Variants in GRK6 observed in about 807,000 individuals in gnomAD.
The protein encoded by GRK6 is G protein-coupled receptor kinase 6.
In GRK6, 37 loss-of-function variants were observed where a neutral mutation model predicts 80.8. The observed-to-expected ratio is 0.46, with a 90% CI of 0.35 to 0.60. The LOEUF is 0.60. GRK6 is among the 20% of genes least tolerant of loss of function. The pLI, the probability that GRK6 is intolerant of heterozygous loss-of-function variation, is 0.00. For missense variants in GRK6, 560 were observed against 784.6 expected (o/e 0.71, Z 3.42); for synonymous variants, 295 against 320.9 (o/e 0.92, Z 0.86).
rs750712271 is a variant in GRK6 at position 177,441,932 on chromosome 5, G to T, written c.*142G>T. 1.0e-5 allele frequency: 8 copies of T among 762,816 alleles called. No homozygotes were observed. In the African/African-American group the frequency reaches 1.4e-4, roughly 13 times the overall value. 47.3% of individuals were successfully genotyped at this position (762,816 alleles called of 1,614,324 possible). A position where few individuals can be genotyped will look rare whatever the true frequency, so the allele number is the denominator to read the frequency against. On this transcript the variant is annotated 3_prime_UTR_variant, in exon 16 of 16. Coordinates refer to ENST00000355472, the MANE Select transcript of GRK6 (RefSeq NM_001004106.3). ...GACGGAGCTGTCCCCAGTGTCCTCC[G>T]TCCCTCAGCCCCTGGCCTGGCTGAG...
At chr5:177,433,785 G>A in intron 8 of GRK6, 109 bp downstream of exon 8, 8 of 1,534,972 alleles carry the variant, frequency 5.2e-6, no homozygotes, top group Non-Finnish European at 7.1e-6. Flanking sequence ...GGGCGGGTTT[G>A]GGGTGTTGAC....
rs761093075 is a variant in GRK6 at position 177,433,935 on chromosome 5, G to C, written c.760G>C (p.Glu254Gln). 5.0e-6 allele frequency: 8 copies of C among 1,593,398 alleles called. No individual in the cohort carries two copies. In the East Asian group the frequency reaches 1.8e-4, roughly 36 times the overall value. Residue 254 changes from glutamate to glutamine, a missense_variant, in exon 9 of 16, where the codon GAG (glutamate) becomes CAG (glutamine). Glu to Gln is a conservative substitution (Grantham distance 29). Transcript: ENST00000355472. The part of the protein sequence containing the change: ...RFVVSLAYAY[E>Q]TKDALCLVLT... The stretch of plus-strand genomic sequence containing the variant: ...ACAGGTGAGCTTGGCCTACGCCTAT[G>C]AGACCAAGGACGCGCTGTGCCTGGT...
Position 177,440,792 on chromosome 5 carries a change from C to A in GRK6, c.1497C>A (p.Tyr499Ter). The change falls in exon 14 of 16, where the codon TAC becomes TAA. Residue 499 changes from tyrosine (Y) to a stop codon, truncating the protein, a stop_gained. Coordinates refer to ENST00000355472, the MANE Select transcript of GRK6 (RefSeq NM_001004106.3). LOFTEE classifies it high-confidence loss of function. ...VELEPTDQDF[Y>*]QKFATGSVPI... ...TGGAGCCTACCGACCAGGACTTCTA[C>A]CAGAAGTTTGCCACAGGCAGTGTGC... 1 of 1,614,204 alleles carries A rather than the reference C, an allele frequency of 6.2e-7. No homozygotes were observed. Among genetic ancestry groups the A allele is most frequent in the Non-Finnish European group, 8.5e-7 (1 of 1,180,034 alleles).
In GRK6 at chr5:177,441,249, G is replaced by A. The variant is rs1280935001; in HGVS notation, c.1677+196G>A. On this transcript the variant is annotated intron_variant, in intron 15 of 15. Transcript: ENST00000355472. ...TGGCCTCTTTTCTCTTTCCAGAGGT[G>A]AGCAGTGTGGGCTCCCCGTGGGTTG... 3.8e-6 allele frequency: 6 copies of A among 1,563,594 alleles called. No individual in the cohort carries two copies. The East Asian group carries it at 1.4e-4, about 37-fold the overall frequency.
intron 1 of GRK6, among the ~76,000 whole-genome samples, chr5:177,427,381 CTTATA>C (rs1561650396): frequency 6.6e-6 from 1 of 152,250 alleles, no homozygotes; most frequent in Non-Finnish European, 1.5e-5. Flanking sequence ...ACAAATGCTA[CTTATA>C]GGACTGCCAC....
intron 2 of GRK6, 78 bp downstream of exon 2, chr5:177,431,045 C>T: frequency 7.8e-7 from 1 of 1,275,622 alleles, no homozygotes; most frequent in South Asian, 1.3e-5. Context: ...TGAGACCTTG[C>T]CCCGGAGCAG....
At position 177,436,129 on chromosome 5, in the gene GRK6, G is replaced by A. The variant is rs374983204; in HGVS notation, c.1114G>A (p.Gly372Ser). ...GTTCAGCCCTGACTGGTGGGCGCTC[G>A]GCTGCCTCCTGTACGAGATGATCGC... ...YTFSPDWWAL[G>S]CLLYEMIAGQ... is the part of the protein sequence containing the mutation. Residue 372 changes from glycine (G) to serine (S), a missense_variant, in exon 12 of 16, where the codon GGC becomes AGC. Transcript: ENST00000355472. 4.3e-6 allele frequency: 7 copies of A among 1,613,928 alleles called. No homozygotes were observed. Among genetic ancestry groups the A allele is most frequent in the Non-Finnish European group, 5.9e-6 (7 of 1,180,022 alleles).
At chr5:177,425,768 T>C (rs1268605857), upstream of GRK6, among the ~76,000 whole-genome samples, 1 of 152,254 alleles carries the variant, frequency 6.6e-6, no homozygotes, top group African/African-American at 2.4e-5. Flanking sequence ...CAAGCCTGTT[T>C]CCTGCTGCGT....
rs770127017 is a variant in GRK6 at position 177,433,933 on chromosome 5, A to G, written c.758A>G (p.Tyr253Cys). The G allele has an allele frequency of 5.0e-6, 8 of 1,592,536 alleles. No homozygotes were observed. The highest frequency in any genetic ancestry group is 6.9e-6 in the Non-Finnish European group (8 of 1,167,478). Residue 253 changes from tyrosine (Y) to cysteine (C), a missense_variant, in exon 9 of 16, where the codon TAT becomes TGT. By Grantham distance (194) the Tyr-to-Cys change is radical. Around this residue, in one of 3 missense-constraint regions of GRK6, gnomAD observed 77 missense variants for 156.9 expected, o/e 0.49. Transcript: ENST00000355472. ...CCACAGGTGAGCTTGGCCTACGCCTATGAGACCAAGGACGCGCTGTGCCTG... is the reference window on the plus strand; with the variant it reads ...CCACAGGTGAGCTTGGCCTACGCCTGTGAGACCAAGGACGCGCTGTGCCTG... ...SRFVVSLAYA[Y>C]ETKDALCLVL...
Position 177,435,026 on chromosome 5 carries a change from A to C in GRK6, c.968-6A>C. On this transcript the variant is annotated splice_polypyrimidine_tract_variant and splice_region_variant and intron_variant, in intron 10 of 15. Transcript: ENST00000355472. ...CGGGTCCACCTGTTTCTCCACCCACACTCAGGCCACATCCGCATCTCTGAC... is the reference window on the plus strand; with the variant it reads ...CGGGTCCACCTGTTTCTCCACCCACCCTCAGGCCACATCCGCATCTCTGAC... 1 of 1,613,038 alleles carries C rather than the reference A, an allele frequency of 6.2e-7. No individual in the cohort carries two copies. Among genetic ancestry groups the C allele is most frequent in the Non-Finnish European group, 8.5e-7 (1 of 1,179,750 alleles).
chr5:177,435,314 G>A (rs763211007), intron 11 of GRK6, among the ~76,000 whole-genome samples, 193 bp downstream of exon 11: 19 of 152,236 alleles, frequency 1.2e-4, no homozygotes, highest in East Asian at 9.6e-4. Context: ...AAGCCATGTC[G>A]TTCATTTGCT....
At chr5:177,433,077 TG>T in intron 5 of GRK6, 69 bp from the exon 6 acceptor site, 1 of 1,371,350 alleles carries the variant, frequency 7.3e-7, no homozygotes, top group Non-Finnish European at 1.0e-6. Flanking sequence ...ACGGGAGGCC[TG>T]GCCCAGCAAG....
Position 177,432,742 on chromosome 5 carries a change from G to C in GRK6, c.376G>C (p.Val126Leu). The change falls in exon 5 of 16, where the codon GTG becomes CTG. Residue 126 changes from valine to leucine, a missense_variant. By Grantham distance (32) the Val-to-Leu change is conservative. Coordinates refer to ENST00000355472, the MANE Select transcript of GRK6 (RefSeq NM_001004106.3). ...DLIPEVPRQL[V>L]TNCTQRLEQG... is the part of the protein sequence containing the mutation. ...CATCCCTGAGGTCCCCCGGCAGCTG[G>C]TGACGAACTGCACCCAGCGGCTGGA... 1.2e-6 allele frequency: 2 copies of C among 1,611,968 alleles called. No individual in the cohort carries two copies. Among genetic ancestry groups the C allele is most frequent in the Non-Finnish European group, 1.7e-6 (2 of 1,179,248 alleles).
chr5:177,427,889 T>C (rs1763734615), intron 1 of GRK6, among the ~76,000 whole-genome samples: 1 of 152,206 alleles, frequency 6.6e-6, no homozygotes, highest in Admixed American at 6.5e-5. Context: ...TACCATATTT[T>C]ACATGTGGGA....
At chr5:177,425,788 G>A (rs1763624836), upstream of GRK6, among the ~76,000 whole-genome samples, 1 of 152,256 alleles carries the variant, frequency 6.6e-6, no homozygotes, top group Non-Finnish European at 1.5e-5. Context: ...TGAAGTAGGG[G>A]GTGGAGGAAG....
chr5:177,432,133 C>G, intron 3 of GRK6, 26 bp downstream of exon 3: 1 of 1,607,754 alleles, frequency 6.2e-7, no homozygotes, highest in Non-Finnish European at 8.5e-7. Flanking sequence ...CCCTGCCCAG[C>G]CCCGCGGGTG....
intron 1 of GRK6, among the ~76,000 whole-genome samples, chr5:177,427,330 C>T (rs915400246): frequency 9.9e-5 from 15 of 152,246 alleles, no homozygotes; most frequent in Admixed American, 8.5e-4. Context: ...AACGGACCCT[C>T]TGCGTAGCAC....
Position 177,441,903 on chromosome 5 carries a change from C to T in GRK6, c.*113C>T. On this transcript the variant is annotated 3_prime_UTR_variant, in exon 16 of 16. Transcript: ENST00000355472. ...TCCACTCAAGTCGTGGCCTGGGGAA[C>T]ACAGACGGAGCTGTCCCCAGTGTCC... 1 of 999,504 alleles carries T rather than the reference C, an allele frequency of 1.0e-6. No individual in the cohort carries two copies. The highest frequency in any genetic ancestry group is 1.5e-6 in the Non-Finnish European group (1 of 647,542). 61.9% of individuals were successfully genotyped at this position (999,504 alleles called of 1,614,324 possible). A position where few individuals can be genotyped will look rare whatever the true frequency, so the allele number is the denominator to read the frequency against.
At chr5:177,437,977 C>G (rs1384446638) in intron 13 of GRK6, among the ~76,000 whole-genome samples, 3 of 152,236 alleles carry the variant, frequency 2.0e-5, no homozygotes, top group Non-Finnish European at 4.4e-5. Flanking sequence ...ATGAGGCCCA[C>G]TGGAGCCAGT....
Sources: gnomAD v4.1 joint callset for allele counts (sites outside exome capture counted in the v4.1 genomes callset) on GRCh38, gnomAD v4.1.1 for gene constraint, gnomAD v4.1.1 regional missense constraint, MANE v1.5 for transcripts, NCBI Gene and HGNC (gene_info 2026-07-23, HGNC 2026-07-21) for gene names.